The following CSNK2A2IP variants were observed in gnomAD, a reference collection of about 807,000 sequenced individuals.
The protein encoded by CSNK2A2IP is casein kinase II subunit alpha'-interacting protein.
chr3:88,440,618 G>T, the CSNK2A2IP span, among the ~76,000 whole-genome samples: 1 of 152,180 alleles, frequency 6.6e-6, no homozygotes, highest in African/African-American at 2.4e-5. Context: ...AAGAGTACTA[G>T]AAATAATATT....
the CSNK2A2IP span, among the ~76,000 whole-genome samples, chr3:88,451,285 T>A: frequency 6.6e-6 from 1 of 152,068 alleles, no homozygotes; most frequent in Non-Finnish European, 1.5e-5. Flanking sequence ...TGATCTCAGT[T>A]ATATGTGAAA....
At chr3:88,385,661 G>A in the CSNK2A2IP span, among the ~76,000 whole-genome samples, 1 of 152,106 alleles carries the variant, frequency 6.6e-6, no homozygotes, top group African/African-American at 2.4e-5. Flanking sequence ...GGGAGAAATT[G>A]GTAAAGCAAG....
At chr3:88,448,799 G>C in the CSNK2A2IP span, among the ~76,000 whole-genome samples, 7 of 152,310 alleles carry the variant, frequency 4.6e-5, no homozygotes, top group African/African-American at 1.7e-4. Context: ...CAAATGACAT[G>C]AAATAGTTTC....
At chr3:88,366,929 AG>A in the CSNK2A2IP span, among the ~76,000 whole-genome samples, 4 of 152,120 alleles carry the variant, frequency 2.6e-5, no homozygotes, top group Non-Finnish European at 5.9e-5. Context: ...ATGAGAGCCA[AG>A]TGAAAGGGGA....
chr3:88,465,967 T>G, the CSNK2A2IP span: 3 of 1,231,574 alleles, frequency 2.4e-6, no homozygotes, highest in East Asian at 9.5e-5. Context: ...ATCATCTTCC[T>G]TGGGACCCAA....
At chr3:88,391,769 G>A in the CSNK2A2IP span, among the ~76,000 whole-genome samples, 578 of 152,302 alleles carry the variant, frequency 3.8e-3, no homozygotes, top group Non-Finnish European at 6.4e-3. Flanking sequence ...TGTTGTAGAG[G>A]TAGAAAGTCA....
At chr3:88,396,104 CTTTTT>C in the CSNK2A2IP span, among the ~76,000 whole-genome samples, 1 of 115,358 alleles carries the variant, frequency 8.7e-6, no homozygotes, top group Admixed American at 9.5e-5. Context: ...CTACCTACTT[CTTTTT>C]TTTTTTTTTT....
At chr3:88,431,709 T>G in the CSNK2A2IP span, among the ~76,000 whole-genome samples, 1 of 152,162 alleles carries the variant, frequency 6.6e-6, no homozygotes, top group Non-Finnish European at 1.5e-5. Context: ...ATCTAGAAAT[T>G]CTTGATGAGT....
the CSNK2A2IP span, among the ~76,000 whole-genome samples, chr3:88,458,627 T>A: frequency 6.6e-6 from 1 of 152,168 alleles, no homozygotes; most frequent in African/African-American, 2.4e-5. Context: ...CTTCTTTTTT[T>A]TTATTTCTTA....
the CSNK2A2IP span, among the ~76,000 whole-genome samples, chr3:88,360,154 G>A: frequency 9.6e-6 from 1 of 104,374 alleles, no homozygotes; most frequent in Non-Finnish European, 2.0e-5. Flanking sequence ...TTTTTTTTTT[G>A]AGATGGAGTC....
chr3:88,462,960 A>G, the CSNK2A2IP span, among the ~76,000 whole-genome samples: 3 of 152,222 alleles, frequency 2.0e-5, no homozygotes, highest in Non-Finnish European at 4.4e-5. Flanking sequence ...GAATGATGTA[A>G]GGCTTGAAAA....
the CSNK2A2IP span, among the ~76,000 whole-genome samples, chr3:88,450,215 C>A: frequency 6.6e-6 from 1 of 151,882 alleles, no homozygotes; most frequent in Non-Finnish European, 1.5e-5. Flanking sequence ...TTAAGGTATA[C>A]AACATGATGT....
At chr3:88,412,351 A>T in the CSNK2A2IP span, among the ~76,000 whole-genome samples, 91 of 152,076 alleles carry the variant, frequency 6.0e-4, no homozygotes, top group Non-Finnish European at 1.1e-3. Context: ...AATTCTCTGC[A>T]GTGGATAGCA....
chr3:88,373,327 C>A, the CSNK2A2IP span, among the ~76,000 whole-genome samples: 68,136 of 150,980 alleles, frequency 0.45, 16,328 homozygotes, highest in South Asian at 0.62. Context: ...ATAGTAAAGA[C>A]ATATGGAAAA....
At chr3:88,355,388 C>T in the CSNK2A2IP span, among the ~76,000 whole-genome samples, 2 of 152,020 alleles carry the variant, frequency 1.3e-5, no homozygotes, top group Non-Finnish European at 2.9e-5. Context: ...TGCCCAGAGT[C>T]TGCACTATAA....
At chr3:88,457,320 A>G in the CSNK2A2IP span, among the ~76,000 whole-genome samples, 1 of 152,118 alleles carries the variant, frequency 6.6e-6, no homozygotes, top group Admixed American at 6.6e-5. Flanking sequence ...TACCTTTTAC[A>G]TATTGTTGGA....
chr3:88,367,923 A>G, the CSNK2A2IP span, among the ~76,000 whole-genome samples: 45 of 152,132 alleles, frequency 3.0e-4, no homozygotes, highest in East Asian at 7.7e-3. Context: ...CAGGAATTTG[A>G]CCTTTAATCC....
the CSNK2A2IP span, among the ~76,000 whole-genome samples, chr3:88,446,058 CTTTCTTTCTTTCT>C: frequency 9.8e-6 from 1 of 101,648 alleles, no homozygotes; most frequent in African/African-American, 3.8e-5. Context: ...TTCTTTCTTT[CTTTCTTTCTTTCT>C]TTCTTTCTTT....
chr3:88,379,293 T>A, the CSNK2A2IP span, among the ~76,000 whole-genome samples: 1 of 152,084 alleles, frequency 6.6e-6, no homozygotes, highest in Non-Finnish European at 1.5e-5. Flanking sequence ...GGTTTCAGAA[T>A]AAACGCCTTG....
Sources: allele counts gnomAD v4.1 joint callset (sites outside exome capture counted in the v4.1 genomes callset), GRCh38; gene constraint gnomAD v4.1.1; transcripts MANE v1.5; gene names NCBI Gene and HGNC (gene_info 2026-07-23, HGNC 2026-07-21).